Variants in PCSK2 observed in about 807,000 individuals in gnomAD.
PCSK2 encodes proprotein convertase subtilisin/kexin type 2.
In PCSK2, 14 loss-of-function variants were observed where a neutral mutation model predicts 69.7. That is an observed-to-expected ratio of 0.20 (90% CI 0.13 to 0.31). The LOEUF (loss-of-function observed/expected upper bound fraction) is 0.31. Among genes scored for constraint, PCSK2 ranks in the 10% least tolerant of loss-of-function variants. The pLI, the probability that PCSK2 is intolerant of heterozygous loss-of-function variation, is 1.00. For synonymous variants in PCSK2, 307 were observed against 320.7 expected (o/e 0.96, Z 0.46); for missense variants, 544 against 842.5 (o/e 0.65, Z 4.39).
chr20:17,292,358 A>G (rs1988726298), intron 2 of PCSK2, among the ~76,000 whole-genome samples: 1 of 152,202 alleles, frequency 6.6e-6, no homozygotes, highest in South Asian at 2.1e-4. Flanking sequence ...AAAAGAAAGA[A>G]AAAATATTTC....
At chr20:17,278,986 T>C (rs1473337716) in intron 2 of PCSK2, among the ~76,000 whole-genome samples, 1 of 152,148 alleles carries the variant, frequency 6.6e-6, no homozygotes, top group Non-Finnish European at 1.5e-5. Context: ...TTGGTTGTCA[T>C]CCACCCTAGA....
At chr20:17,404,788 A>G (rs542945054) in intron 5 of PCSK2, among the ~76,000 whole-genome samples, 1 of 152,330 alleles carries the variant, frequency 6.6e-6, no homozygotes, top group East Asian at 1.9e-4. Flanking sequence ...GGCCTCGGAC[A>G]TTGGTCAGGG....
At chr20:17,273,573 A>C (rs1211781241) in intron 2 of PCSK2, among the ~76,000 whole-genome samples, 1 of 152,102 alleles carries the variant, frequency 6.6e-6, no homozygotes, top group African/African-American at 2.4e-5. Context: ...TTAGTTCTCT[A>C]CTTGTTTTCC....
At chr20:17,428,085 T>C (rs1368748683) in intron 6 of PCSK2, among the ~76,000 whole-genome samples, 2 of 152,194 alleles carry the variant, frequency 1.3e-5, no homozygotes, top group African/African-American at 4.8e-5. Context: ...AGCAATGAAA[T>C]GTTTCTTCCC....
chr20:17,405,064 C>T (rs931608083), intron 5 of PCSK2, among the ~76,000 whole-genome samples: 1 of 152,198 alleles, frequency 6.6e-6, no homozygotes, highest in Admixed American at 6.5e-5. Flanking sequence ...AGGCATTGCC[C>T]ATACTGCGTG....
intron 7 of PCSK2, among the ~76,000 whole-genome samples, chr20:17,435,848 T>C (rs1460571984): frequency 7.2e-5 from 11 of 152,114 alleles, no homozygotes; most frequent in Non-Finnish European, 1.6e-4. Flanking sequence ...CCCAACCCAA[T>C]GGCGGCTACT....
At chr20:17,347,860 GAGGAGAGAGAAAA>G (rs1393768320) in intron 2 of PCSK2, among the ~76,000 whole-genome samples, 2,984 of 88,586 alleles carry the variant, frequency 0.034, 235 homozygotes, top group East Asian at 0.082. Context: ...AAGAAAGAAA[GAGGAGAGAGAAAA>G]AAGAAAGAAA....
chr20:17,267,884 G>A (rs1220888357), intron 2 of PCSK2, among the ~76,000 whole-genome samples: 1 of 152,078 alleles, frequency 6.6e-6, no homozygotes, highest in Admixed American at 6.6e-5. Context: ...ACAAGGTGAA[G>A]AGTCTCTAAT....
chr20:17,443,648 G>A (rs1316828680), intron 8 of PCSK2, among the ~76,000 whole-genome samples: 1 of 152,180 alleles, frequency 6.6e-6, no homozygotes, highest in African/African-American at 2.4e-5. Context: ...TGACAGTGCA[G>A]ATGGTGGCAG....
chr20:17,373,821 G>A (rs1427570632), intron 5 of PCSK2, among the ~76,000 whole-genome samples: 2 of 152,126 alleles, frequency 1.3e-5, no homozygotes, highest in East Asian at 1.9e-4. Flanking sequence ...ATATATAAAT[G>A]TAAGTTGTTA....
chr20:17,426,119 T>A (rs1358072681), intron 6 of PCSK2, among the ~76,000 whole-genome samples: 1 of 152,184 alleles, frequency 6.6e-6, no homozygotes. Flanking sequence ...GAATTGTAAT[T>A]GCCATAATCC....
In PCSK2 at chr20:17,425,462, T is replaced by A. The variant is rs140535336; in HGVS notation, c.621-3973T>A. 5.8e-4 allele frequency among the ~76,000 whole-genome samples: 89 copies of A among 152,340 alleles called. 1 individual carries two copies. The highest frequency in any genetic ancestry group is 1.1e-3 in the Non-Finnish European group (73 of 68,028). On this transcript the variant is annotated intron_variant, in intron 6 of 11. Transcript: ENST00000262545. ...TTGTACTGATCCTTGTCACCCAACATCTCTTTTTGTGGGATCCTTCAAATT... is the reference window on the plus strand; with the variant it reads ...TTGTACTGATCCTTGTCACCCAACAACTCTTTTTGTGGGATCCTTCAAATT...
intron 4 of PCSK2, among the ~76,000 whole-genome samples, chr20:17,364,570 C>CAT (rs2030524523): frequency 2.0e-5 from 3 of 151,924 alleles, no homozygotes; most frequent in African/African-American, 7.3e-5. Context: ...TCAGATCTTG[C>CAT]GAGACTTATT....
chr20:17,261,234 G>A (rs1987371741), intron 2 of PCSK2, among the ~76,000 whole-genome samples: 1 of 152,232 alleles, frequency 6.6e-6, no homozygotes, highest in East Asian at 1.9e-4. Context: ...ATTGAAGGCA[G>A]CGTAACCTCT....
At chr20:17,249,813 T>C (rs1986906357) in intron 1 of PCSK2, among the ~76,000 whole-genome samples, 1 of 151,592 alleles carries the variant, frequency 6.6e-6, no homozygotes, top group Non-Finnish European at 1.5e-5. Context: ...AAAGACAGAG[T>C]GTAGAAAGGT....
intron 2 of PCSK2, among the ~76,000 whole-genome samples, chr20:17,323,145 G>A (rs139985458): frequency 6.6e-5 from 10 of 152,312 alleles, no homozygotes; most frequent in East Asian, 1.9e-4. Flanking sequence ...GATTACAGGC[G>A]TGAGTCACCG....
At chr20:17,397,816 CTTGTTTTCTT>C (rs1211706093) in intron 5 of PCSK2, among the ~76,000 whole-genome samples, 5 of 152,192 alleles carry the variant, frequency 3.3e-5, no homozygotes, top group African/African-American at 9.6e-5. Flanking sequence ...CACACTTTCT[CTTGTTTTCTT>C]TTGTTTTCTT....
At chr20:17,373,426 C>A (rs2030832848) in intron 5 of PCSK2, among the ~76,000 whole-genome samples, 1 of 152,180 alleles carries the variant, frequency 6.6e-6, no homozygotes, top group African/African-American at 2.4e-5. Flanking sequence ...TACCTCCCCA[C>A]AGCCTGGGGA....
chr20:17,236,789 G>A (rs1325151262), intron 1 of PCSK2, among the ~76,000 whole-genome samples: 9 of 152,140 alleles, frequency 5.9e-5, no homozygotes, highest in African/African-American at 1.4e-4. Context: ...GAAAAAATTG[G>A]CAGGGGAAGT....
Sources: gnomAD v4.1 joint callset for allele counts (sites outside exome capture counted in the v4.1 genomes callset) on GRCh38, gnomAD v4.1.1 for gene constraint, MANE v1.5 for transcripts, NCBI Gene and HGNC (gene_info 2026-07-23, HGNC 2026-07-21) for gene names.